PTPN13: variants seen among roughly 807,000 people sequenced by gnomAD.
The protein encoded by PTPN13 is protein tyrosine phosphatase non-receptor type 13.
PTPN13 carries 191 observed loss-of-function variants against 284.0 expected under a neutral mutation model. The ratio of observed to expected loss-of-function variants is 0.67; its 90% CI spans 0.60 to 0.76. The LOEUF (loss-of-function observed/expected upper bound fraction) is 0.76, where lower values mean the gene tolerates loss of function less well. Among genes scored for constraint, PTPN13 ranks in the 30% least tolerant of loss-of-function variants. The pLI is 0.00. For synonymous variants in PTPN13, 986 were observed against 1,022.3 expected (o/e 0.96, Z 0.68); for missense variants, 2,797 against 2,939.9 (o/e 0.95, Z 1.12).
rs748220932 is a variant in PTPN13 at position 86,770,113 on chromosome 4, GC to G, written c.4718del (p.Ala1573ValfsTer29). The G allele has an allele frequency of 2.5e-6, 4 of 1,613,594 alleles. No homozygotes were observed. The highest frequency in any genetic ancestry group is 3.4e-6 in the Non-Finnish European group (4 of 1,179,668). On this transcript the variant is annotated frameshift_variant, in exon 30 of 48. Coordinates refer to ENST00000411767, the MANE Select transcript of PTPN13 (RefSeq NM_080683.3). LOFTEE classifies it high-confidence loss of function. ...ATGGTACCCCCAGGAAGTCATATCT[GC>G]TCTCAGGGGAACTGCTCCAGAAGTA... The part of the protein sequence containing the change: ...KGLSQQEVIS[A>X]LRGTAPEVFL...
In PTPN13 at chr4:86,795,287, A is replaced by G. The variant is rs1364454240; in HGVS notation, c.6346-1587A>G. Among the ~76,000 whole-genome samples the G allele has an allele frequency of 2.0e-5, 3 of 152,372 alleles. No homozygotes were observed. In the East Asian group the frequency reaches 5.8e-4, roughly 29 times the overall value. On this transcript the variant is annotated intron_variant, in intron 40 of 47. Transcript: ENST00000411767. Reference sequence around the variant, plus strand: ...TATGCAGCCAACAGACATATGAAAAAATGCTCATCATCACTGGTCATCAGA... The same window carrying G: ...TATGCAGCCAACAGACATATGAAAAGATGCTCATCATCACTGGTCATCAGA...
At chr4:86,801,188 C>T (rs1439429781) in intron 42 of PTPN13, among the ~76,000 whole-genome samples, 1 of 152,208 alleles carries the variant, frequency 6.6e-6, no homozygotes, top group African/African-American at 2.4e-5. Context: ...GTTGACTCAA[C>T]TCCCAAAGAA....
In PTPN13 at chr4:86,814,506, T is replaced by G. The variant is rs761926360; in HGVS notation, c.7413T>G (p.Leu2471=). ...TCATCCTTTATGTCCTGACACGTCTTCAAGCAGAAGAAGAGCAAAAACAGC... is the reference window on the plus strand; with the variant it reads ...TCATCCTTTATGTCCTGACACGTCTGCAAGCAGAAGAAGAGCAAAAACAGC... ...YQVILYVLTR[L]QAEEEQKQQP... Residue 2471 remains leucine (L), a synonymous_variant, in exon 48 of 48, where the codon CTT becomes CTG. Coordinates refer to ENST00000411767, the MANE Select transcript of PTPN13 (RefSeq NM_080683.3). 5 of 1,613,104 alleles carry G rather than the reference T, an allele frequency of 3.1e-6. No homozygotes were observed.
chr4:86,770,596 G>A (rs183813277), intron 30 of PTPN13, among the ~76,000 whole-genome samples: 1 of 152,238 alleles, frequency 6.6e-6, no homozygotes, highest in Admixed American at 6.5e-5. Context: ...TTGATTTGAG[G>A]CACCAGATAG....
At chr4:86,686,125 G>A (rs899127866) in intron 3 of PTPN13, among the ~76,000 whole-genome samples, 2 of 152,180 alleles carry the variant, frequency 1.3e-5, no homozygotes, top group Non-Finnish European at 2.9e-5. Flanking sequence ...ACTTTGGGAG[G>A]CTAAGGCGGA....
chr4:86,720,983 G>A (rs938116460), intron 9 of PTPN13, among the ~76,000 whole-genome samples: 3 of 151,990 alleles, frequency 2.0e-5, no homozygotes, highest in Admixed American at 2.0e-4. Flanking sequence ...ACTAGCTTTT[G>A]AAGTAAGTTT....
At chr4:86,644,051 G>T (rs1455950179) in intron 2 of PTPN13, among the ~76,000 whole-genome samples, 1 of 151,484 alleles carries the variant, frequency 6.6e-6, no homozygotes, top group Admixed American at 6.6e-5. Flanking sequence ...TACATGAAAT[G>T]GACATCTTAA....
chr4:86,760,542 C>G (rs2149241603), intron 23 of PTPN13, among the ~76,000 whole-genome samples: 1 of 152,282 alleles, frequency 6.6e-6, no homozygotes, highest in Middle Eastern at 3.4e-3. Context: ...ACAAAAAACT[C>G]TGCCCTAATG....
chr4:86,693,972 A>G (rs539379357), intron 6 of PTPN13, among the ~76,000 whole-genome samples: 68 of 152,180 alleles, frequency 4.5e-4, no homozygotes, highest in Non-Finnish European at 9.1e-4. Context: ...ATTTCATATT[A>G]AAAATACTTT....
At position 86,675,567 on chromosome 4, in the gene PTPN13, CTTCA is replaced by C. The variant is rs1448187190; in HGVS notation, c.294+3029_294+3032del. ...CACTCTTGATACATGACAATGTTCTCTTCATTCAGAGGGACTTACACTTAAAAGT... is the reference window on the plus strand; with the variant it reads ...CACTCTTGATACATGACAATGTTCTCTTCAGAGGGACTTACACTTAAAAGT... On this transcript the variant is annotated intron_variant, in intron 3 of 47. Transcript: ENST00000411767. Among the ~76,000 whole-genome samples, 3 of 152,246 alleles carry C rather than the reference CTTCA, an allele frequency of 2.0e-5. No individual in the cohort carries two copies. In the South Asian group the frequency reaches 6.2e-4, roughly 32 times the overall value.
At chr4:86,610,446 A>G (rs1578246989) in intron 1 of PTPN13, among the ~76,000 whole-genome samples, 1 of 152,252 alleles carries the variant, frequency 6.6e-6, no homozygotes, top group Non-Finnish European at 1.5e-5. Context: ...ATTATTATAC[A>G]TAGCCTAAAT....
In PTPN13 at chr4:86,689,873, T is replaced by C. The variant is rs552297039; in HGVS notation, c.546+683T>C. ...ATCTGATCTGGATCTATACTTTATC[T>C]GCTCTTATCCTTAGGGTTGTAGTCC... On this transcript the variant is annotated intron_variant, in intron 5 of 47. Transcript: ENST00000411767. 1.1e-4 allele frequency: 69 copies of C among 627,234 alleles called. No homozygotes were observed. The African/African-American group carries it at 1.1e-3, about 10-fold the overall frequency. 38.9% of individuals were successfully genotyped at this position (627,234 alleles called of 1,614,324 possible).
chr4:86,756,194 C>T (rs1011064616), intron 20 of PTPN13, among the ~76,000 whole-genome samples: 9 of 151,956 alleles, frequency 5.9e-5, no homozygotes, highest in African/African-American at 2.2e-4. Flanking sequence ...TTAATCTGTT[C>T]TCTCTTACCA....
At position 86,775,477 on chromosome 4, in the gene PTPN13, C is replaced by G. The variant is rs748183003; in HGVS notation, c.5716C>G (p.Gln1906Glu). ...SLCGGHDSLY[Q>E]VVYISDINPR... ...ATGTGGAGGTCATGACAGCCTTTATCAAGTGGTATATATTAGTGATATTAA... is the reference window on the plus strand; with the variant it reads ...ATGTGGAGGTCATGACAGCCTTTATGAAGTGGTATATATTAGTGATATTAA... Residue 1906 changes from glutamine (Q) to glutamate (E), a missense_variant, in exon 35 of 48, where the codon CAA becomes GAA. Physicochemically the swap from Gln to Glu is conservative, Grantham distance 29. Transcript: ENST00000411767. The G allele has an allele frequency of 6.2e-7, 1 of 1,609,126 alleles. No homozygotes were observed. Among genetic ancestry groups the G allele is most frequent in the East Asian group, 2.2e-5 (1 of 44,846 alleles).
intron 2 of PTPN13, among the ~76,000 whole-genome samples, chr4:86,663,386 A>G (rs1726731886): frequency 6.6e-6 from 1 of 152,240 alleles, no homozygotes; most frequent in Non-Finnish European, 1.5e-5. Context: ...GTGTGATCTA[A>G]TGGTAATAAA....
intron 35 of PTPN13, among the ~76,000 whole-genome samples, chr4:86,778,989 G>A (rs1442467306): frequency 6.7e-6 from 1 of 149,924 alleles, no homozygotes; most frequent in African/African-American, 2.5e-5. Flanking sequence ...GTGTGCAACA[G>A]CTGTTCTGAA....
At chr4:86,717,532 C>A (rs920930229) in intron 9 of PTPN13, among the ~76,000 whole-genome samples, 4 of 151,930 alleles carry the variant, frequency 2.6e-5, no homozygotes, top group African/African-American at 9.7e-5. Context: ...TTTTCCTTTT[C>A]TCTTCCTTTC....
intron 2 of PTPN13, among the ~76,000 whole-genome samples, chr4:86,659,345 A>G (rs1317750615): frequency 1.3e-5 from 2 of 152,220 alleles, no homozygotes; most frequent in African/African-American, 4.8e-5. Context: ...TTCAGACTCT[A>G]AATTTTATCA....
intron 15 of PTPN13, among the ~76,000 whole-genome samples, chr4:86,737,345 G>A (rs997911717): frequency 2.6e-5 from 4 of 152,054 alleles, no homozygotes; most frequent in African/African-American, 9.7e-5. Context: ...ACAGTCTTGA[G>A]AACAAGGGTT....
Sources: gnomAD v4.1 joint callset for allele counts (sites outside exome capture counted in the v4.1 genomes callset) on GRCh38, gnomAD v4.1.1 for gene constraint, MANE v1.5 for transcripts, NCBI Gene and HGNC (gene_info 2026-07-23, HGNC 2026-07-21) for gene names.